Variants in ZNF436 observed in about 807,000 individuals in gnomAD.
ZNF436 encodes zinc finger protein 436, also known as DNA-binding protein.
In ZNF436, 22 loss-of-function variants were observed where a neutral mutation model predicts 41.9. The ratio of observed to expected loss-of-function variants is 0.53; its 90% CI spans 0.38 to 0.75. The LOEUF is 0.75. ZNF436 is among the 30% of genes least tolerant of loss of function. The pLI is 0.00. For missense variants in ZNF436, 506 were observed against 587.3 expected (o/e 0.86, Z 1.43); for synonymous variants, 217 against 197.8 (o/e 1.10, Z -0.82).
Position 23,369,818 on chromosome 1 carries a change from G to C in ZNF436, c.-513C>G. ...CGTGGGGAAGAGCTCCCAGCTCGCT[G>C]TAGCCTTGGAGAGGGAAGTGATGGA... On this transcript the variant is annotated 5_prime_UTR_variant, in exon 1 of 4. Transcript: ENST00000314011. 3.1e-6 allele frequency: 1 copy of C among 327,748 alleles called. No homozygotes were observed. Among genetic ancestry groups the C allele is most frequent in the South Asian group, 2.5e-5 (1 of 40,078 alleles). The allele number at this position is 327,748 out of a possible 1,614,324, so 20.3% of individuals were successfully genotyped here. A position where few individuals can be genotyped will look rare whatever the true frequency, so the allele number is the denominator to read the frequency against.
intron 3 of ZNF436, among the ~76,000 whole-genome samples, chr1:23,366,058 A>T (rs1376742305): frequency 6.6e-6 from 1 of 152,166 alleles, no homozygotes; most frequent in East Asian, 1.9e-4. Context: ...TTGTAAATTC[A>T]CATTTTTTAA....
chr1:23,362,477 CCT>C lies in ZNF436; in HGVS notation c.903_904del (p.Arg304AlafsTer5). 2 of 1,614,144 alleles carry C rather than the reference CCT, an allele frequency of 1.2e-6. No homozygotes were observed. Among genetic ancestry groups the C allele is most frequent in the East Asian group, 2.2e-5 (1 of 44,884 alleles). On this transcript the variant is annotated frameshift_variant, in exon 4 of 4. Coordinates refer to ENST00000314011, the MANE Select transcript of ZNF436 (RefSeq NM_001077195.2). LOFTEE classifies it high-confidence loss of function. Reference sequence around the variant, plus strand: ...CTCATCACACTTGTAGGGCCTCTCCCCTGTGTGGACTCGATAGTGTTTGATGA... The same window carrying C: ...CTCATCACACTTGTAGGGCCTCTCCCGTGTGGACTCGATAGTGTTTGATGA...
chr1:23,365,500 G>T (rs761914163), intron 3 of ZNF436, among the ~76,000 whole-genome samples: 1 of 151,986 alleles, frequency 6.6e-6, no homozygotes, highest in Non-Finnish European at 1.5e-5. Flanking sequence ...GATCACTTGA[G>T]GTCAGGAGTT....
At chr1:23,365,240 G>A (rs1200320511) in intron 3 of ZNF436, among the ~76,000 whole-genome samples, 4 of 145,734 alleles carry the variant, frequency 2.7e-5, no homozygotes, top group Admixed American at 1.4e-4. Flanking sequence ...AAAAAAAAAC[G>A]CAAAAACTAG....
chr1:23,369,721 C>T lies in ZNF436; in HGVS notation c.-416G>A, dbSNP rs1430825989. 2.4e-6 allele frequency: 1 copy of T among 414,078 alleles called. No individual in the cohort carries two copies. Among genetic ancestry groups the T allele is most frequent in the Non-Finnish European group, 5.0e-6 (1 of 198,228 alleles). The allele number at this position is 414,078 out of a possible 1,614,324, so 25.7% of individuals were successfully genotyped here. A position where few individuals can be genotyped will look rare whatever the true frequency, so the allele number is the denominator to read the frequency against. ...TTCCTCGGAACGGGAGGACTCGCAG[C>T]TCTCCCTTTCCCCAGCCAGGATGAG... On this transcript the variant is annotated 5_prime_UTR_variant, in exon 1 of 4. Coordinates refer to ENST00000314011, the MANE Select transcript of ZNF436 (RefSeq NM_001077195.2).
rs985857930 is a variant in ZNF436 at position 23,361,957 on chromosome 1, C to G, written c.*12G>C. The G allele has an allele frequency of 6.4e-7, 1 of 1,558,836 alleles. No individual in the cohort carries two copies. The highest frequency in any genetic ancestry group is 2.3e-5 in the East Asian group (1 of 44,324). ...TTCAAATGAATCATTTCTCAGCCAT[C>G]ATAATTACAGCTTAGTCCGTATGAA... On this transcript the variant is annotated 3_prime_UTR_variant, in exon 4 of 4. Transcript: ENST00000314011.
intron 3 of ZNF436, among the ~76,000 whole-genome samples, chr1:23,365,495 C>T (rs942726873): frequency 1.5e-4 from 23 of 152,170 alleles, no homozygotes; most frequent in African/African-American, 5.3e-4. Flanking sequence ...GGGCGGATCA[C>T]TTGAGGTCAG....
intron 3 of ZNF436, among the ~76,000 whole-genome samples, chr1:23,363,828 C>T (rs1638300231): frequency 6.6e-6 from 1 of 152,072 alleles, no homozygotes; most frequent in South Asian, 2.1e-4. Context: ...ACACTTAAGG[C>T]CAGGAGTTCA....
chr1:23,368,180 A>C (rs1570192886), intron 1 of ZNF436, 115 bp from the exon 2 acceptor site: 1 of 661,278 alleles, frequency 1.5e-6, no homozygotes, highest in Non-Finnish European at 2.6e-6. Flanking sequence ...GGGCCGGGTC[A>C]CTCTCCTCCC....
chr1:23,369,072 G>C (rs1638435296), intron 1 of ZNF436: 1 of 234,422 alleles, frequency 4.3e-6, no homozygotes. Context: ...GGCGCCCCTC[G>C]AGCGGCGGGC....
At chr1:23,367,803 A>G (rs955016393) in intron 2 of ZNF436, among the ~76,000 whole-genome samples, 170 bp downstream of exon 2, 1 of 152,144 alleles carries the variant, frequency 6.6e-6, no homozygotes, top group Non-Finnish European at 1.5e-5. Flanking sequence ...GGTGTTCGAT[A>G]TATGTTTGTT....
Position 23,369,462 on chromosome 1 carries a change from T to A in ZNF436, c.-157A>T. ...CGCAGCGTTCTCTCAGACCTGGCGT[T>A]CAGGAAGATTCTAGAGAGCACGGGC... On this transcript the variant is annotated 5_prime_UTR_variant, in exon 1 of 4. Transcript: ENST00000314011. The A allele has an allele frequency of 3.7e-6, 2 of 533,890 alleles. No individual in the cohort carries two copies. Among genetic ancestry groups the A allele is most frequent in the South Asian group, 2.8e-5 (2 of 71,574 alleles). 33.1% of individuals were successfully genotyped at this position (533,890 alleles called of 1,614,324 possible). A position where few individuals can be genotyped will look rare whatever the true frequency, so the allele number is the denominator to read the frequency against.
chr1:23,361,857 G>T lies in ZNF436; in HGVS notation c.*112C>A. On this transcript the variant is annotated 3_prime_UTR_variant, in exon 4 of 4. Coordinates refer to ENST00000314011, the MANE Select transcript of ZNF436 (RefSeq NM_001077195.2). ...TGTCATCTCTGATGGTTTAAATCGT[G>T]GCCCACAACTAGGAGAGTATGATAA... 1.8e-6 allele frequency: 2 copies of T among 1,129,202 alleles called. No individual in the cohort carries two copies. The highest frequency in any genetic ancestry group is 1.2e-6 in the Non-Finnish European group (1 of 811,766). The allele number at this position is 1,129,202 out of a possible 1,614,324, so 69.9% of individuals were successfully genotyped here. A position where few individuals can be genotyped will look rare whatever the true frequency, so the allele number is the denominator to read the frequency against.
At chr1:23,366,119 G>A (rs1341915204) in intron 3 of ZNF436, among the ~76,000 whole-genome samples, 3 of 152,128 alleles carry the variant, frequency 2.0e-5, no homozygotes, top group Non-Finnish European at 4.4e-5. Context: ...TTGGGTTACA[G>A]ACTGCAATAG....
chr1:23,363,293 A>ATTT, intron 3 of ZNF436, 72 bp from the exon 4 acceptor site: 29 of 1,097,130 alleles, frequency 2.6e-5, no homozygotes, highest in Non-Finnish European at 3.1e-5. Context: ...ACTATACTAA[A>ATTT]TTTTTTTTTT....
chr1:23,368,071 G>C lies in ZNF436; in HGVS notation c.-60-6C>G. The C allele has an allele frequency of 6.3e-7, 1 of 1,592,614 alleles. No homozygotes were observed. Among genetic ancestry groups the C allele is most frequent in the Non-Finnish European group, 8.6e-7 (1 of 1,162,260 alleles). On this transcript the variant is annotated splice_polypyrimidine_tract_variant and splice_region_variant and intron_variant, in intron 1 of 3. Coordinates refer to ENST00000314011, the MANE Select transcript of ZNF436 (RefSeq NM_001077195.2). ...AAAGCAGCTAGCAGACAGCGCTGAA[G>C]GAGGCGAAAAGCAGGGCGTGAGGCA...
intron 1 of ZNF436, 144 bp downstream of exon 1, chr1:23,369,222 T>C (rs1422976043): frequency 6.9e-6 from 3 of 432,090 alleles, no homozygotes; most frequent in Non-Finnish European, 4.8e-6. Context: ...GCTTGTCTGC[T>C]ACAGGGGCTC....
chr1:23,361,747 A>C lies in ZNF436; in HGVS notation c.*222T>G. The C allele has an allele frequency of 2.3e-6, 1 of 438,142 alleles. No individual in the cohort carries two copies. The highest frequency in any genetic ancestry group is 4.0e-6 in the Non-Finnish European group (1 of 248,752). The allele number at this position is 438,142 out of a possible 1,614,324, so 27.1% of individuals were successfully genotyped here. A position where few individuals can be genotyped will look rare whatever the true frequency, so the allele number is the denominator to read the frequency against. The stretch of plus-strand genomic sequence containing the variant: ...CCAGTTACTTGTGGGGCTGCTTTTA[A>C]TGAAGTAACCCATTGAGTGAATAAA... On this transcript the variant is annotated 3_prime_UTR_variant, in exon 4 of 4. Transcript: ENST00000314011.
At chr1:23,369,273 G>A (rs773544569) in intron 1 of ZNF436, 93 bp downstream of exon 1, 6 of 476,358 alleles carry the variant, frequency 1.3e-5, no homozygotes, top group South Asian at 7.8e-5. Flanking sequence ...GGCGTCTGAG[G>A]CCCTGATCCG....
Sources: gnomAD v4.1 joint callset for allele counts (sites outside exome capture counted in the v4.1 genomes callset) on GRCh38, gnomAD v4.1.1 for gene constraint, MANE v1.5 for transcripts, NCBI Gene and HGNC (gene_info 2026-07-23, HGNC 2026-07-21) for gene names.